UBE3C: variants seen among roughly 807,000 people sequenced by gnomAD.
The protein encoded by UBE3C is ubiquitin protein ligase E3C, also known as ubiquitin-protein ligase E3C.
A neutral mutation model predicts 129.4 loss-of-function variants in UBE3C; 42 were observed. The ratio of observed to expected loss-of-function variants is 0.32; its 90% confidence interval spans 0.25 to 0.42. UBE3C has a LOEUF of 0.42. Ranked by LOEUF, UBE3C falls within the 10% of genes least tolerant of loss-of-function variation. The probability of loss-of-function intolerance (pLI) is 1.00; values close to 1 mark genes in which losing one functional copy is unlikely to be tolerated. For synonymous variants in UBE3C, 510 were observed against 492.4 expected, an observed-to-expected ratio of 1.04 and a Z score of -0.47; for missense variants, 1,049 against 1,319.1, an observed-to-expected ratio of 0.80 and a Z score of 3.17.
chr7:157,263,748 T>C (rs1420744235), intron 22 of UBE3C, among the ~76,000 whole-genome samples: 1 of 150,478 alleles, frequency 6.6e-6, no homozygotes, highest in Non-Finnish European at 1.5e-5. Context: ...TTTTTTATAT[T>C]GGATTTTTTT....
chr7:157,216,699 T>C (rs1253416857), intron 13 of UBE3C, among the ~76,000 whole-genome samples, 168 bp from the exon 14 acceptor site: 2 of 152,220 alleles, frequency 1.3e-5, no homozygotes, highest in Non-Finnish European at 2.9e-5. Context: ...TTTGTATACA[T>C]TATTGTGATG....
intron 22 of UBE3C, among the ~76,000 whole-genome samples, chr7:157,258,717 C>T (rs1203539065): frequency 6.6e-6 from 1 of 152,194 alleles, no homozygotes; most frequent in Non-Finnish European, 1.5e-5. Flanking sequence ...ACCTCAGCCT[C>T]CCAAAGTGCT....
rs138422763 is a variant in UBE3C at position 157,267,623 on chromosome 7, C to T, written c.3120C>T (p.Ser1040=). ...CATTTTGTATTCACAACGGAGGCTC[C>T]GACCTTGAGCGGCTCCCCACAGCCA... ...YPAFCIHNGG[S]DLERLPTAST... Residue 1040 remains serine, a synonymous_variant, in exon 23 of 23, where the codon TCC becomes TCT. Coordinates refer to ENST00000348165, the MANE Select transcript of UBE3C (RefSeq NM_014671.3). 1.8e-4 allele frequency: 283 copies of T among 1,613,044 alleles called. No individual in the cohort carries two copies. The highest frequency in any genetic ancestry group is 2.3e-4 in the Non-Finnish European group (273 of 1,179,744).
chr7:157,199,246 C>A (rs1456355119), intron 10 of UBE3C, among the ~76,000 whole-genome samples: 1 of 152,090 alleles, frequency 6.6e-6, no homozygotes, highest in African/African-American at 2.4e-5. Context: ...TTTGAAAGTT[C>A]GTATTTTTCG....
intron 10 of UBE3C, among the ~76,000 whole-genome samples, chr7:157,189,926 G>A (rs950474162): frequency 1.3e-5 from 2 of 151,826 alleles, no homozygotes; most frequent in Non-Finnish European, 2.9e-5. Context: ...TCAGCCTCCC[G>A]AGTAGCTGAG....
At chr7:157,183,810 C>T (rs1808733532) in intron 8 of UBE3C, 68 bp from the exon 9 acceptor site, 7 of 1,534,432 alleles carry the variant, frequency 4.6e-6, no homozygotes, top group Middle Eastern at 1.8e-4. Context: ...GGAAAAATGG[C>T]GTCTTCGTTT....
rs762539804 is a variant in UBE3C at position 157,223,269 on chromosome 7, C to T, written c.2018C>T (p.Pro673Leu). The change falls in exon 16 of 23, where the codon CCG (proline) becomes CTG (leucine). Residue 673 changes from proline to leucine, a missense_variant. Around this residue, in one of 4 missense-constraint regions of UBE3C, gnomAD observed 314 missense variants for 416.9 expected, o/e 0.75. Coordinates refer to ENST00000348165, the MANE Select transcript of UBE3C (RefSeq NM_014671.3). ...QSTLDVGLES[P>L]PLSVSEERQL... ...TGTGTTTTAGTGGGTTTGGAGTCCC[C>T]GCCGCTGTCTGTGTCTGAGGAAAGA... is the stretch of plus-strand genomic sequence containing the variant. The T allele has an allele frequency of 8.1e-6, 13 of 1,613,986 alleles. No homozygotes were observed. Among genetic ancestry groups the T allele is most frequent in the Middle Eastern group, 1.6e-4 (1 of 6,084 alleles).
At chr7:157,250,796 G>T (rs1043471880) in intron 19 of UBE3C, among the ~76,000 whole-genome samples, 3 of 152,178 alleles carry the variant, frequency 2.0e-5, no homozygotes, top group Admixed American at 6.5e-5. Context: ...GCTAGGTCTT[G>T]CACCACCTAG....
intron 5 of UBE3C, 103 bp downstream of exon 5, chr7:157,175,137 CTTTTTTTT>C (rs56852731): frequency 2.8e-5 from 7 of 249,750 alleles, no homozygotes; most frequent in East Asian, 8.4e-5. Flanking sequence ...CTTTTCCATA[CTTTTTTTT>C]TTTTTTTTTT....
At position 157,141,812 on chromosome 7, in the gene UBE3C, G is replaced by T. The variant is rs546081858; in HGVS notation, c.66+2474G>T. Among the ~76,000 whole-genome samples the T allele has an allele frequency of 2.0e-5, 3 of 152,310 alleles. No homozygotes were observed. The South Asian group carries it at 6.2e-4, about 32-fold the overall frequency. ...GCCCGGCTGCTTTGGCTTGGCTTCTGTCTGAGAGGTGGACTCCATCCGCCT... is the reference window on the plus strand; with the variant it reads ...GCCCGGCTGCTTTGGCTTGGCTTCTTTCTGAGAGGTGGACTCCATCCGCCT... On this transcript the variant is annotated intron_variant, in intron 1 of 22. Transcript: ENST00000348165.
Position 157,231,110 on chromosome 7 carries a change from A to G in UBE3C, c.2264A>G (p.His755Arg), listed in dbSNP as rs1796012706. The stretch of plus-strand genomic sequence containing the variant: ...GATTTGAAAAAGCGGATCCGTGTGC[A>G]CTTGCTCAATGCCCATGGCCTGGAT... ...EPDLKKRIRV[H>R]LLNAHGLDEA... The change falls in exon 18 of 23, where the codon CAC (histidine) becomes CGC (arginine). Residue 755 changes from histidine (H) to arginine (R), a missense_variant. By Grantham distance (29) the His-to-Arg change is conservative. Around this residue, in one of 4 missense-constraint regions of UBE3C, gnomAD observed 314 missense variants for 416.9 expected, o/e 0.75. Coordinates refer to ENST00000348165, the MANE Select transcript of UBE3C (RefSeq NM_014671.3). 5 of 1,613,980 alleles carry G rather than the reference A, an allele frequency of 3.1e-6. No homozygotes were observed. In the East Asian group the frequency reaches 8.9e-5, roughly 29 times the overall value.
In UBE3C at chr7:157,201,723, T is replaced by G. The variant is rs748583478; in HGVS notation, c.1334T>G (p.Leu445Arg). Residue 445 changes from leucine to arginine, a missense_variant and splice_region_variant, in exon 11 of 23, where the codon CTT becomes CGT. By Grantham distance (102) the Leu-to-Arg change is moderately radical. Transcript: ENST00000348165. ...QHRMMVPKVR[L>R]LYSLAFNARF... ...GTTTTTCTCCTATTCCTTTTTAGGC[T>G]TCTCTACAGTTTAGCCTTTAATGCC... The G allele has an allele frequency of 6.2e-7, 1 of 1,602,608 alleles. No individual in the cohort carries two copies. The highest frequency in any genetic ancestry group is 8.5e-7 in the Non-Finnish European group (1 of 1,175,106).
chr7:157,205,539 A>G (rs1267744419), intron 11 of UBE3C, among the ~76,000 whole-genome samples: 1 of 152,090 alleles, frequency 6.6e-6, no homozygotes, highest in African/African-American at 2.4e-5. Flanking sequence ...GAAAGAAGCC[A>G]CCCCTGTCCA....
At chr7:157,211,167 G>GGAGAGATAGA (rs1554431120) in intron 13 of UBE3C, among the ~76,000 whole-genome samples, 1 of 137,082 alleles carries the variant, frequency 7.3e-6, no homozygotes, top group Non-Finnish European at 1.5e-5. Flanking sequence ...CCATATGTCT[G>GGAGAGATAGA]GAGAGAGAGA....
intron 5 of UBE3C, among the ~76,000 whole-genome samples, chr7:157,177,113 T>C (rs899403476): frequency 6.6e-6 from 1 of 152,182 alleles, no homozygotes; most frequent in Admixed American, 6.5e-5. Flanking sequence ...CTACCAAACT[T>C]AGGACAGCAG....
intron 1 of UBE3C, among the ~76,000 whole-genome samples, chr7:157,142,517 AAGGATGGGTGTAATT>A (rs1364998778): frequency 6.6e-6 from 1 of 152,162 alleles, no homozygotes; most frequent in African/African-American, 2.4e-5. Flanking sequence ...CTTAGTCCTG[AAGGATGGGTGTAATT>A]AGGATGGGTG....
At chr7:157,217,242 G>T (rs571917372) in intron 14 of UBE3C, 32 of 258,442 alleles carry the variant, frequency 1.2e-4, no homozygotes, top group Non-Finnish European at 2.1e-4. Flanking sequence ...TCTTTGTGAG[G>T]TTGAAAAATA....
intron 2 of UBE3C, 35 bp downstream of exon 2, chr7:157,163,898 A>AT (rs1808143465): frequency 6.3e-7 from 1 of 1,595,044 alleles, no homozygotes; most frequent in South Asian, 1.1e-5. Context: ...GTAGATAAGC[A>AT]TTTTTTCTAC....
At chr7:157,226,937 C>T (rs749300604) in intron 17 of UBE3C, among the ~76,000 whole-genome samples, 27 of 152,098 alleles carry the variant, frequency 1.8e-4, no homozygotes, top group Non-Finnish European at 4.4e-5. Flanking sequence ...TCTAACTAAT[C>T]GTCTAATTGA....
Sources: gnomAD v4.1 joint callset for allele counts (sites outside exome capture counted in the v4.1 genomes callset) on GRCh38, gnomAD v4.1.1 for gene constraint, gnomAD v4.1.1 regional missense constraint, MANE v1.5 for transcripts, NCBI Gene and HGNC (gene_info 2026-07-23, HGNC 2026-07-21) for gene names.